RGS6: variants seen among roughly 807,000 people sequenced by gnomAD.
The protein encoded by RGS6 is regulator of G-protein signaling 6.
Under a neutral mutation model 78.5 loss-of-function variants are expected in RGS6, and 30 were observed. The ratio of observed to expected loss-of-function variants is 0.38; its 90% confidence interval spans 0.29 to 0.52. The LOEUF is 0.52. RGS6 is among the 20% of genes least tolerant of loss of function. The pLI, the probability that RGS6 is intolerant of heterozygous loss-of-function variation, is 0.85. For synonymous variants in RGS6, 206 were observed against 206.0 expected (o/e 1.00, Z 0.00); for missense variants, 495 against 609.7 (o/e 0.81, Z 1.98).
At chr14:72,402,942 G>T (rs1648908566) in intron 3 of RGS6, among the ~76,000 whole-genome samples, 1 of 151,842 alleles carries the variant, frequency 6.6e-6, no homozygotes, top group Non-Finnish European at 1.5e-5. Context: ...GATTACAGGT[G>T]TGTGCCACCA....
the RGS6 span, among the ~76,000 whole-genome samples, chr14:71,892,610 C>A: frequency 6.6e-6 from 1 of 152,126 alleles, no homozygotes; most frequent in Admixed American, 6.5e-5. Flanking sequence ...CATTTCACAC[C>A]GAGCTCTTCC....
intron 2 of RGS6, among the ~76,000 whole-genome samples, chr14:72,165,389 A>G (rs1231823190): frequency 6.6e-6 from 1 of 152,232 alleles, no homozygotes; most frequent in Non-Finnish European, 1.5e-5. Context: ...GATGATGTGC[A>G]GAGTTAGTTT....
intron 2 of RGS6, among the ~76,000 whole-genome samples, chr14:72,092,710 C>A (rs1261407679): frequency 1.3e-5 from 2 of 152,280 alleles, no homozygotes; most frequent in East Asian, 1.9e-4. Context: ...TAAAGATAGA[C>A]TTCCTATCTT....
At chr14:71,905,833 T>C in the RGS6 span, among the ~76,000 whole-genome samples, 1 of 152,202 alleles carries the variant, frequency 6.6e-6, no homozygotes, top group African/African-American at 2.4e-5. Context: ...TGCCTACCCC[T>C]TTCTGTAAGA....
intron 2 of RGS6, among the ~76,000 whole-genome samples, chr14:72,060,968 A>G (rs7154426): frequency 1.3e-5 from 2 of 151,912 alleles, no homozygotes; most frequent in South Asian, 4.1e-4. Context: ...ACCTGTTATC[A>G]TGGAGAAGTT....
intron 2 of RGS6, among the ~76,000 whole-genome samples, chr14:72,258,953 A>C (rs2057601541): frequency 6.6e-6 from 1 of 152,230 alleles, no homozygotes; most frequent in South Asian, 2.1e-4. Flanking sequence ...GAAAATGGAA[A>C]CCTTATTTTC....
chr14:72,493,003 C>T (rs1445180848), intron 12 of RGS6, among the ~76,000 whole-genome samples: 2 of 152,100 alleles, frequency 1.3e-5, no homozygotes, highest in African/African-American at 2.4e-5. Flanking sequence ...AAAATAGACG[C>T]CCCAGAGGAA....
chr14:72,504,845 C>G (rs2096776853), intron 13 of RGS6, among the ~76,000 whole-genome samples: 2 of 151,390 alleles, frequency 1.3e-5, no homozygotes, highest in South Asian at 4.2e-4. Flanking sequence ...CCTCCGCCTC[C>G]TGGGTTCAAG....
At chr14:72,170,769 A>G (rs550369375) in intron 2 of RGS6, among the ~76,000 whole-genome samples, 3 of 152,336 alleles carry the variant, frequency 2.0e-5, no homozygotes, top group African/African-American at 7.2e-5. Flanking sequence ...TGTAGTACCT[A>G]TGACAGGTAC....
chr14:72,339,980 T>C (rs1365474071), intron 2 of RGS6, among the ~76,000 whole-genome samples: 1 of 152,136 alleles, frequency 6.6e-6, no homozygotes, highest in Non-Finnish European at 1.5e-5. Context: ...ACTGTTCTTC[T>C]TTTTTAGACT....
At chr14:72,620,265 T>C in the RGS6 span, among the ~76,000 whole-genome samples, 1 of 152,124 alleles carries the variant, frequency 6.6e-6, no homozygotes, top group Non-Finnish European at 1.5e-5. Flanking sequence ...ACACCTCACA[T>C]CCAAATTTAA....
At chr14:72,407,697 C>G (rs1039672807) in intron 3 of RGS6, among the ~76,000 whole-genome samples, 1 of 152,236 alleles carries the variant, frequency 6.6e-6, no homozygotes, top group African/African-American at 2.4e-5. Flanking sequence ...ACACAGATGA[C>G]AGAACCTCTC....
At chr14:72,264,430 A>C (rs567982293) in intron 2 of RGS6, among the ~76,000 whole-genome samples, 1 of 152,376 alleles carries the variant, frequency 6.6e-6, no homozygotes, top group African/African-American at 2.4e-5. Context: ...AAGAATTAGA[A>C]AGCCACTATG....
chr14:72,464,764 G>A (rs1189636491), intron 6 of RGS6: 1 of 152,242 alleles, frequency 6.6e-6, no homozygotes, highest in Non-Finnish European at 1.5e-5. Context: ...GGAAGAAACA[G>A]GGAAACCAGG....
intron 17 of RGS6, chr14:72,540,783 G>A (rs975903173): frequency 2.0e-5 from 20 of 985,288 alleles, no homozygotes; most frequent in South Asian, 4.7e-5. Context: ...GGCCTCCTCA[G>A]GCCTTGATTC....
At chr14:72,391,350 T>A (rs1387442494) in intron 3 of RGS6, among the ~76,000 whole-genome samples, 2 of 152,194 alleles carry the variant, frequency 1.3e-5, no homozygotes, top group Non-Finnish European at 2.9e-5. Context: ...AAACTGGCCG[T>A]GGAAAAGGGA....
intron 2 of RGS6, among the ~76,000 whole-genome samples, chr14:72,313,427 G>T (rs1001935473): frequency 1.2e-4 from 19 of 152,232 alleles, no homozygotes; most frequent in African/African-American, 4.6e-4. Context: ...TGGGCACTCA[G>T]TAGAGACCGC....
chr14:72,016,054 A>G (rs1284588948), intron 2 of RGS6, among the ~76,000 whole-genome samples: 8 of 152,160 alleles, frequency 5.3e-5, no homozygotes, highest in Admixed American at 5.2e-4. Flanking sequence ...GCTAAATTTT[A>G]ATGTAATCAT....
chr14:72,211,500 G>C (rs866944755), intron 2 of RGS6, among the ~76,000 whole-genome samples: 1 of 152,206 alleles, frequency 6.6e-6, no homozygotes, highest in Non-Finnish European at 1.5e-5. Context: ...TAGAACAGTG[G>C]CTGTAGGAGG....
Sources: gnomAD v4.1 joint callset for allele counts (sites outside exome capture counted in the v4.1 genomes callset) on GRCh38, gnomAD v4.1.1 for gene constraint, MANE v1.5 for transcripts, NCBI Gene and HGNC (gene_info 2026-07-23, HGNC 2026-07-21) for gene names.